GLYR1: variants seen among roughly 807,000 people sequenced by gnomAD.
The protein encoded by GLYR1 is glyoxylate reductase 1 homolog, also known as cytokine-like nuclear factor N-PAC.
Under a neutral mutation model 72.7 loss-of-function variants are expected in GLYR1, and 21 were observed. That is an observed-to-expected ratio of 0.29 (90% CI 0.20 to 0.42). GLYR1 has a LOEUF of 0.42. Ranked by LOEUF, GLYR1 falls within the 10% of genes least tolerant of loss-of-function variation. The probability of loss-of-function intolerance (pLI) is 1.00; values close to 1 mark genes in which losing one functional copy is unlikely to be tolerated. For missense variants in GLYR1, 594 were observed against 712.1 expected, an observed-to-expected ratio of 0.83 and a Z score of 1.89; for synonymous variants, 392 against 270.2, an observed-to-expected ratio of 1.45 and a Z score of -4.42.
intron 10 of GLYR1, 36 bp downstream of exon 10, chr16:4,817,562 C>T (rs1302153364): frequency 3.1e-6 from 4 of 1,295,124 alleles, no homozygotes; most frequent in Admixed American, 1.7e-5. Flanking sequence ...ACCCCAGACT[C>T]CACCGATCCA....
chr16:4,837,121 T>G (rs919405220), intron 3 of GLYR1, among the ~76,000 whole-genome samples: 1 of 152,228 alleles, frequency 6.6e-6, no homozygotes, highest in African/African-American at 2.4e-5. Flanking sequence ...CACTTCTGAT[T>G]TGCTTTCCTC....
intron 5 of GLYR1, among the ~76,000 whole-genome samples, chr16:4,824,454 T>C (rs375428421): frequency 1.4e-5 from 2 of 141,112 alleles, no homozygotes; most frequent in East Asian, 2.1e-4. Flanking sequence ...GAGCCGAGAT[T>C]GCACCACCGC....
chr16:4,805,178 T>A lies in GLYR1; in HGVS notation c.*58A>T, dbSNP rs1596289882. On this transcript the variant is annotated 3_prime_UTR_variant, in exon 16 of 16. Coordinates refer to ENST00000321919, the MANE Select transcript of GLYR1 (RefSeq NM_032569.4). ...ATGAACTCCCAGGCCCCCGACCCCATGTGAGGAAGAGGGGGTCAGAGGGGG... is the reference window on the plus strand; with the variant it reads ...ATGAACTCCCAGGCCCCCGACCCCAAGTGAGGAAGAGGGGGTCAGAGGGGG... The A allele has an allele frequency of 7.1e-7, 1 of 1,407,958 alleles. No individual in the cohort carries two copies. Among genetic ancestry groups the A allele is most frequent in the Non-Finnish European group, 1.0e-6 (1 of 995,820 alleles). The allele number at this position is 1,407,958 out of a possible 1,614,324, so 87.2% of individuals were successfully genotyped here. A position where few individuals can be genotyped will look rare whatever the true frequency, so the allele number is the denominator to read the frequency against.
chr16:4,828,397 T>C (rs2084565547), intron 5 of GLYR1, among the ~76,000 whole-genome samples: 1 of 152,110 alleles, frequency 6.6e-6, no homozygotes, highest in South Asian at 2.1e-4. Flanking sequence ...AAAGACATAT[T>C]GCTATTGTAC....
At chr16:4,827,824 C>G (rs1166014400) in intron 5 of GLYR1, among the ~76,000 whole-genome samples, 1 of 151,834 alleles carries the variant, frequency 6.6e-6, no homozygotes, top group Non-Finnish European at 1.5e-5. Flanking sequence ...GGCATTAACC[C>G]AGGAGGCGGA....
At chr16:4,809,954 A>C (rs1294622372) in intron 15 of GLYR1, among the ~76,000 whole-genome samples, 3 of 151,982 alleles carry the variant, frequency 2.0e-5, no homozygotes, top group Non-Finnish European at 4.4e-5. Flanking sequence ...AAAACAAAAA[A>C]ACAAAAAAAA....
chr16:4,805,192 G>C lies in GLYR1; in HGVS notation c.*44C>G. ...CCCCGACCCCATGTGAGGAAGAGGG[G>C]GTCAGAGGGGGGATTGGAGGGGTGA... On this transcript the variant is annotated 3_prime_UTR_variant, in exon 16 of 16. Transcript: ENST00000321919. The C allele has an allele frequency of 1.3e-6, 2 of 1,541,898 alleles. No homozygotes were observed.
At chr16:4,813,025 C>T (rs567464924) in intron 12 of GLYR1, among the ~76,000 whole-genome samples, 102 of 151,544 alleles carry the variant, frequency 6.7e-4, no homozygotes, top group African/African-American at 2.2e-3. Flanking sequence ...TGCAGTGGCA[C>T]GATCACAGCT....
chr16:4,812,543 A>G (rs1338652361), intron 12 of GLYR1, among the ~76,000 whole-genome samples: 2 of 150,042 alleles, frequency 1.3e-5, no homozygotes, highest in East Asian at 3.9e-4. Context: ...CCCAGGCTGG[A>G]GTGCAGTGGA....
intron 7 of GLYR1, 95 bp from the exon 8 acceptor site, chr16:4,821,692 T>A: frequency 8.8e-7 from 1 of 1,133,490 alleles, no homozygotes; most frequent in Non-Finnish European, 1.3e-6. Flanking sequence ...AAGTGGGAAG[T>A]TAACATCAAC....
chr16:4,838,579 G>A (rs996470547), intron 3 of GLYR1, among the ~76,000 whole-genome samples: 2 of 150,898 alleles, frequency 1.3e-5, no homozygotes, highest in African/African-American at 4.9e-5. Flanking sequence ...CACAGCCACT[G>A]ATGAAACTTT....
chr16:4,831,714 C>T (rs1001773365), intron 5 of GLYR1, among the ~76,000 whole-genome samples: 4 of 152,134 alleles, frequency 2.6e-5, no homozygotes, highest in Admixed American at 1.3e-4. Context: ...ACTCCATCAC[C>T]CAGGCTAGAA....
rs370622860 is a variant in GLYR1 at position 4,846,160 on chromosome 16, A to G, written c.75+14T>C. 1.6e-5 allele frequency: 26 copies of G among 1,613,742 alleles called. No homozygotes were observed. The highest frequency in any genetic ancestry group is 2.1e-5 in the Non-Finnish European group (25 of 1,179,766). ...CCAACTTCAGATCTCTTCCTTTAGT[A>G]GCAAGACACTCACCTTTCCTGGCCA... On this transcript the variant is annotated intron_variant, in intron 2 of 15. Coordinates refer to ENST00000321919, the MANE Select transcript of GLYR1 (RefSeq NM_032569.4).
At chr16:4,815,886 A>T (rs1249292086) in intron 10 of GLYR1, among the ~76,000 whole-genome samples, 1 of 151,854 alleles carries the variant, frequency 6.6e-6, no homozygotes, top group African/African-American at 2.4e-5. Context: ...GGTTCACGCC[A>T]TTCTCCTGCC....
chr16:4,804,293 AGTG>A lies in GLYR1; in HGVS notation c.*940_*942del, dbSNP rs1285418772. 6.8e-6 allele frequency: 1 copy of A among 146,364 alleles called. No individual in the cohort carries two copies. Among genetic ancestry groups the A allele is most frequent in the Non-Finnish European group, 1.6e-5 (1 of 63,890 alleles). The allele number at this position is 146,364 out of a possible 1,614,324, so 9.1% of individuals were successfully genotyped here. A position where few individuals can be genotyped will look rare whatever the true frequency, so the allele number is the denominator to read the frequency against. On this transcript the variant is annotated 3_prime_UTR_variant, in exon 16 of 16. Transcript: ENST00000321919. ...ACCACTGGGAGGGGACCGAGGTAAGAGTGGCTCTTCAGAGCCAGGTGAAGAGTC... is the reference window on the plus strand; with the variant it reads ...ACCACTGGGAGGGGACCGAGGTAAGAGCTCTTCAGAGCCAGGTGAAGAGTC...
At chr16:4,816,823 T>C (rs1006893542) in intron 10 of GLYR1, among the ~76,000 whole-genome samples, 1 of 151,980 alleles carries the variant, frequency 6.6e-6, no homozygotes, top group African/African-American at 2.4e-5. Context: ...CCTTCTCTAC[T>C]AAAAATACAA....
chr16:4,819,252 A>G (rs2083855784), intron 9 of GLYR1, among the ~76,000 whole-genome samples: 1 of 152,004 alleles, frequency 6.6e-6, no homozygotes, highest in Non-Finnish European at 1.5e-5. Flanking sequence ...GTATCAGGCA[A>G]TCCTCTCACC....
intron 3 of GLYR1, among the ~76,000 whole-genome samples, chr16:4,834,095 AG>A: frequency 6.6e-6 from 1 of 152,110 alleles, no homozygotes; most frequent in Non-Finnish European, 1.5e-5. Flanking sequence ...ACCCTCCACC[AG>A]CTACCTGGAC....
intron 5 of GLYR1, among the ~76,000 whole-genome samples, chr16:4,829,638 C>T (rs77232249): frequency 6.6e-6 from 1 of 151,646 alleles, no homozygotes; most frequent in African/African-American, 2.4e-5. Flanking sequence ...AGGCACACAC[C>T]ACCAACCCCA....
Sources: gnomAD v4.1 joint callset for allele counts (sites outside exome capture counted in the v4.1 genomes callset) on GRCh38, gnomAD v4.1.1 for gene constraint, MANE v1.5 for transcripts, NCBI Gene and HGNC (gene_info 2026-07-23, HGNC 2026-07-21) for gene names.